PRUNE2: variants seen among roughly 807,000 people sequenced by gnomAD.
The protein encoded by PRUNE2 is prune homolog 2 with BCH domain, also known as protein prune homolog 2.
In PRUNE2, 164 loss-of-function variants were observed where a neutral mutation model predicts 252.0. The observed-to-expected ratio is 0.65, with a 90% CI of 0.57 to 0.74. PRUNE2 has a LOEUF of 0.74. Among genes scored for constraint, PRUNE2 ranks in the 30% least tolerant of loss-of-function variants. PRUNE2 has a pLI of 0.00. For missense variants in PRUNE2, 3,495 were observed against 3,711.0 expected, an observed-to-expected ratio of 0.94 and a Z score of 1.51; for synonymous variants, 1,292 against 1,350.2, an observed-to-expected ratio of 0.96 and a Z score of 0.94.
chr9:76,843,224 A>T (rs1283860836), intron 4 of PRUNE2, among the ~76,000 whole-genome samples: 1 of 152,198 alleles, frequency 6.6e-6, no homozygotes, highest in Admixed American at 6.5e-5. Context: ...TAACACGGGA[A>T]CAGAAAACCA....
intron 6 of PRUNE2, among the ~76,000 whole-genome samples, chr9:76,776,823 T>G (rs577943022): frequency 4.4e-4 from 67 of 151,374 alleles, no homozygotes; most frequent in African/African-American, 1.4e-3. Flanking sequence ...GCCAGCAGTT[T>G]TTTTTTTTTT....
In PRUNE2 at chr9:76,847,467, T is replaced by TA. The variant is rs537075533; in HGVS notation, c.345-790dup. Reference sequence around the variant, plus strand: ...TTGTATAATACTTTTAAAAAGTATTTAAAAAAAAAACTGAGGCACAAAGAG... The same window carrying TA: ...TTGTATAATACTTTTAAAAAGTATTTAAAAAAAAAAACTGAGGCACAAAGAG... On this transcript the variant is annotated intron_variant, in intron 3 of 18. Coordinates refer to ENST00000376718, the MANE Select transcript of PRUNE2 (RefSeq NM_015225.3). Among the ~76,000 whole-genome samples the TA allele has an allele frequency of 1.7e-3, 255 of 149,450 alleles. 2 individuals are homozygous for TA. Among genetic ancestry groups the TA allele is most frequent in the Non-Finnish European group, 1.7e-3 (112 of 67,146 alleles).
At chr9:76,722,590 C>T (rs1226252924) in intron 6 of PRUNE2, among the ~76,000 whole-genome samples, 1 of 152,036 alleles carries the variant, frequency 6.6e-6, no homozygotes, top group Non-Finnish European at 1.5e-5. Flanking sequence ...CATATAAATG[C>T]CAATATAATC....
chr9:76,751,551 C>T (rs2050615935), intron 6 of PRUNE2, among the ~76,000 whole-genome samples: 1 of 152,096 alleles, frequency 6.6e-6, no homozygotes, highest in Non-Finnish European at 1.5e-5. Flanking sequence ...TCCTTCTGCC[C>T]TTGTCACAGG....
At chr9:76,615,970 C>A (rs11144980) in intron 18 of PRUNE2, among the ~76,000 whole-genome samples, 7,551 of 151,912 alleles carry the variant, frequency 0.05, 444 homozygotes, top group East Asian at 0.16. Context: ...GGGTTTCACC[C>A]TGTTGGCCAG....
At position 76,705,825 on chromosome 9, in the gene PRUNE2, C is replaced by T; in HGVS notation, c.6449G>A (p.Gly2150Glu). Residue 2150 changes from glycine to glutamate, a missense_variant, in exon 8 of 19, where the codon GGA (glycine) becomes GAA (glutamate). Coordinates refer to ENST00000376718, the MANE Select transcript of PRUNE2 (RefSeq NM_015225.3). ...TGCATTGGATGGGACAAACTCCCGT[C>T]CAGGCTCATAAATGGGTTCTTCATC... The part of the protein sequence containing the change: ...EIDEEPIYEP[G>E]REFVPSNAEL... 6.2e-7 allele frequency: 1 copy of T among 1,613,690 alleles called. No individual in the cohort carries two copies. Among genetic ancestry groups the T allele is most frequent in the East Asian group, 2.2e-5 (1 of 44,866 alleles).
In PRUNE2 at chr9:76,706,780, C is replaced by T; in HGVS notation, c.5494G>A (p.Ala1832Thr). Residue 1832 changes from alanine (A) to threonine (T), a missense_variant, in exon 8 of 19, where the codon GCC (alanine) becomes ACC (threonine). Physicochemically the swap from Ala to Thr is moderately conservative, Grantham distance 58. Transcript: ENST00000376718. Reference sequence around the variant, plus strand: ...ATTAGTCTCCCTTCCTGGGGTGAGGCCTTCCACCACTCAGTGCTATCAGCT... The same window carrying T: ...ATTAGTCTCCCTTCCTGGGGTGAGGTCTTCCACCACTCAGTGCTATCAGCT... Reference protein sequence around the residue: ...FSADSTEWWKASPQEGRLIES... With the variant: ...FSADSTEWWKTSPQEGRLIES... 1.2e-6 allele frequency: 2 copies of T among 1,610,478 alleles called. No individual in the cohort carries two copies. Among genetic ancestry groups the T allele is most frequent in the South Asian group, 1.1e-5 (1 of 90,342 alleles).
intron 9 of PRUNE2, among the ~76,000 whole-genome samples, chr9:76,701,153 G>A (rs552853676): frequency 7.2e-5 from 11 of 152,258 alleles, no homozygotes; most frequent in East Asian, 1.9e-4. Flanking sequence ...GGTCTGAGTC[G>A]GAGCCGATAA....
At chr9:76,634,291 GTGT>G (rs1386506347) in intron 15 of PRUNE2, among the ~76,000 whole-genome samples, 1 of 152,102 alleles carries the variant, frequency 6.6e-6, no homozygotes, top group African/African-American at 2.4e-5. Flanking sequence ...TCAATAAGTA[GTGT>G]TGAATTATAA....
At chr9:76,860,917 T>C (rs2060510536) in intron 1 of PRUNE2, among the ~76,000 whole-genome samples, 1 of 152,216 alleles carries the variant, frequency 6.6e-6, no homozygotes, top group Admixed American at 6.5e-5. Flanking sequence ...CCCAGAAGAC[T>C]GGCTGCAGGG....
At chr9:76,739,594 T>A (rs1391632584) in intron 6 of PRUNE2, 5 of 151,776 alleles carry the variant, frequency 3.3e-5, no homozygotes, top group African/African-American at 4.8e-5. Context: ...ATACTATGAA[T>A]CAACCCAAGT....
At chr9:76,865,193 T>C (rs2060765403) in intron 1 of PRUNE2, among the ~76,000 whole-genome samples, 1 of 152,200 alleles carries the variant, frequency 6.6e-6, no homozygotes, top group Non-Finnish European at 1.5e-5. Flanking sequence ...ATTTTCTGTT[T>C]TTTAAAATAT....
rs1234742441 is a variant in PRUNE2 at position 76,612,516 on chromosome 9, G to C, written c.*2054C>G. On this transcript the variant is annotated 3_prime_UTR_variant, in exon 19 of 19. Transcript: ENST00000376718. ...GAACAAACAGGAATATTGGGTAACTGTATTTACGTCAACACTGTGTTCTGG... is the reference window on the plus strand; with the variant it reads ...GAACAAACAGGAATATTGGGTAACTCTATTTACGTCAACACTGTGTTCTGG... The C allele has an allele frequency of 6.6e-6, 1 of 152,014 alleles. No individual in the cohort carries two copies. Among genetic ancestry groups the C allele is most frequent in the African/African-American group, 2.4e-5 (1 of 41,378 alleles). The allele number at this position is 152,014 out of a possible 1,614,324, so 9.4% of individuals were successfully genotyped here.
chr9:76,696,826 C>T (rs2045435520), intron 9 of PRUNE2, among the ~76,000 whole-genome samples: 1 of 152,224 alleles, frequency 6.6e-6, no homozygotes, highest in African/African-American at 2.4e-5. Context: ...GTCACTATGC[C>T]TTTCAGGGTG....
Position 76,829,790 on chromosome 9 carries a change from T to G in PRUNE2, c.509-3058A>C, listed in dbSNP as rs187291976. On this transcript the variant is annotated intron_variant, in intron 4 of 18. Coordinates refer to ENST00000376718, the MANE Select transcript of PRUNE2 (RefSeq NM_015225.3). ...AATCTGCCACTCTTCAAACTGCCTT[T>G]GGGGTTCAAAAGTAAATCCTCTTGA... Among the ~76,000 whole-genome samples, 1,128 of 152,172 alleles carry G rather than the reference T, an allele frequency of 7.4e-3. 8 individuals are homozygous for G. The highest frequency in any genetic ancestry group is 0.012 in the Non-Finnish European group (809 of 67,992).
chr9:76,804,425 C>T (rs2056789931), intron 6 of PRUNE2, among the ~76,000 whole-genome samples: 1 of 152,194 alleles, frequency 6.6e-6, no homozygotes, highest in African/African-American at 2.4e-5. Context: ...GGTTTAAAAG[C>T]AGTGTACTGA....
At chr9:76,693,492 G>A (rs1477483574) in intron 9 of PRUNE2, among the ~76,000 whole-genome samples, 1 of 137,930 alleles carries the variant, frequency 7.3e-6, no homozygotes, top group Non-Finnish European at 1.5e-5. Flanking sequence ...TGCCCAGGCT[G>A]GAGTGCCGTG....
intron 15 of PRUNE2, among the ~76,000 whole-genome samples, chr9:76,629,721 C>T (rs563979307): frequency 1.1e-4 from 17 of 151,992 alleles, no homozygotes; most frequent in Admixed American, 2.6e-4. Context: ...GCCTCTTAAC[C>T]GAAATTTTGT....
At chr9:76,648,323 C>T (rs1027621186) in intron 11 of PRUNE2, among the ~76,000 whole-genome samples, 7 of 152,158 alleles carry the variant, frequency 4.6e-5, no homozygotes, top group Admixed American at 1.3e-4. Flanking sequence ...TTGGTAATTA[C>T]CCAAATGCAC....
Sources: allele counts gnomAD v4.1 joint callset (sites outside exome capture counted in the v4.1 genomes callset), GRCh38; gene constraint gnomAD v4.1.1; transcripts MANE v1.5; gene names NCBI Gene and HGNC (gene_info 2026-07-23, HGNC 2026-07-21).